Variants in GNL3L observed in about 807,000 individuals in gnomAD.
GNL3L encodes guanine nucleotide-binding protein-like 3-like protein.
Under a neutral mutation model 42.9 loss-of-function variants are expected in GNL3L, and 4 were observed. The observed-to-expected ratio is 0.09, with a 90% CI of 0.05 to 0.21. The LOEUF is 0.21. GNL3L is among the 10% of genes least tolerant of loss of function. The pLI is 1.00. For synonymous variants in GNL3L, 159 were observed against 176.3 expected (o/e 0.90, Z 0.78); for missense variants, 412 against 481.7 (o/e 0.86, Z 1.36).
downstream of GNL3L, among the ~76,000 whole-genome samples, chrX:54,571,669 TATAG>T (rs772792478): frequency 9.1e-6 from 1 of 110,387 alleles, no homozygotes; most frequent in African/African-American, 3.3e-5. Flanking sequence ...TTGTTTCTTC[TATAG>T]ATAATGTGTT....
At chrX:54,606,641 A>T (rs1339864207) in intron 16 of GNL3L, among the ~76,000 whole-genome samples, 7 of 99,668 alleles carry the variant, frequency 7.0e-5, no homozygotes, top group African/African-American at 2.4e-4. Flanking sequence ...ATGCCAGGCC[A>T]ATTTTTTTTT....
chrX:54,626,898 G>A, the GNL3L span, among the ~76,000 whole-genome samples: 1 of 110,981 alleles, frequency 9.0e-6, no homozygotes, highest in Non-Finnish European at 1.9e-5. Flanking sequence ...TGATTTCCTT[G>A]TATATTCTGA....
At chrX:54,579,929 C>T (rs1460355380) in intron 16 of GNL3L, among the ~76,000 whole-genome samples, 2 of 105,897 alleles carry the variant, frequency 1.9e-5, no homozygotes, top group Non-Finnish European at 3.9e-5. Context: ...CCACCAGCCT[C>T]GGCCTCCCAA....
chrX:54,550,550 C>A (rs1356898735), intron 9 of GNL3L, among the ~76,000 whole-genome samples: 1 of 111,239 alleles, frequency 9.0e-6, no homozygotes, highest in East Asian at 2.8e-4. Context: ...AGGTAGACAG[C>A]TGCACAGAGA....
chrX:54,559,336 A>G (rs1925194229), intron 15 of GNL3L, among the ~76,000 whole-genome samples: 1 of 111,522 alleles, frequency 9.0e-6, no homozygotes, highest in African/African-American at 3.3e-5. Flanking sequence ...TCAATAGGCA[A>G]TATACTCAAA....
intron 16 of GNL3L, among the ~76,000 whole-genome samples, chrX:54,607,057 T>TTTC (rs1926087312): frequency 1.7e-5 from 1 of 60,289 alleles, no homozygotes; most frequent in Non-Finnish European, 2.9e-5. Flanking sequence ...TCTTTCTTTC[T>TTTC]TTCTTTCTTT....
At chrX:54,629,281 C>T in the GNL3L span, among the ~76,000 whole-genome samples, 2 of 111,221 alleles carry the variant, frequency 1.8e-5, no homozygotes, top group Non-Finnish European at 3.8e-5. Flanking sequence ...ATTGCTCTGG[C>T]TAGGACTTCA....
At chrX:54,623,444 T>C (rs1328700107), downstream of GNL3L, among the ~76,000 whole-genome samples, 1 of 111,368 alleles carries the variant, frequency 9.0e-6, no homozygotes, top group Non-Finnish European at 1.9e-5. Flanking sequence ...TTTGTATTTT[T>C]AGTAGAGATG....
chrX:54,534,256 C>T (rs1924355925), intron 2 of GNL3L, among the ~76,000 whole-genome samples: 1 of 108,321 alleles, frequency 9.2e-6, no homozygotes, highest in African/African-American at 3.4e-5. Context: ...GCTACGTTCT[C>T]TACCTACTGA....
At chrX:54,634,421 C>T in the GNL3L span, among the ~76,000 whole-genome samples, 4 of 112,098 alleles carry the variant, frequency 3.6e-5, no homozygotes, top group East Asian at 2.8e-4. Context: ...CTTGCCTCAG[C>T]CTCCCAAGTA....
At chrX:54,550,195 T>C (rs1924891867) in intron 9 of GNL3L, among the ~76,000 whole-genome samples, 1 of 96,607 alleles carries the variant, frequency 1.0e-5, no homozygotes, top group Non-Finnish European at 2.0e-5. Context: ...ATACTGAGAA[T>C]GGGAATGACC....
In GNL3L at chrX:54,601,189, T is replaced by G. The variant is rs756805097; in HGVS notation, c.*46-19656T>G. Reference sequence around the variant, plus strand: ...AAATAGATTCATAGCTGTTTAGAACTGGGGGGTGAGTTGGGGGCATATGAG... The same window carrying G: ...AAATAGATTCATAGCTGTTTAGAACGGGGGGGTGAGTTGGGGGCATATGAG... On this transcript the variant is annotated intron_variant, in intron 16 of 16. Transcript: ENST00000674498. Among the ~76,000 whole-genome samples the G allele has an allele frequency of 3.7e-5, 4 of 109,125 alleles. No homozygotes were observed. The East Asian group carries it at 1.2e-3, about 32-fold the overall frequency. 94.8% of individuals were successfully genotyped at this position (109,125 alleles called of 115,157 possible).
intron 16 of GNL3L, among the ~76,000 whole-genome samples, chrX:54,600,688 C>G (rs1925995450): frequency 9.0e-6 from 1 of 110,689 alleles, no homozygotes; most frequent in South Asian, 3.9e-4. Flanking sequence ...AAGGAGGGGA[C>G]TTCTGTCTCC....
the GNL3L span, among the ~76,000 whole-genome samples, chrX:54,633,459 A>T: frequency 9.0e-6 from 1 of 111,118 alleles, no homozygotes; most frequent in East Asian, 2.9e-4. Flanking sequence ...AGGGCCATAG[A>T]GCACCCATGA....
chrX:54,560,421 G>A, intron 15 of GNL3L, 99 bp from the exon 16 acceptor site: 1 of 556,395 alleles, frequency 1.8e-6, no homozygotes. Context: ...AGCCAGTTCA[G>A]GAGCTTGGTG....
At position 54,563,073 on chromosome X, in the gene GNL3L, G is replaced by A. The variant is rs1925319396; in HGVS notation, c.*2471G>A. Among the ~76,000 whole-genome samples, 1 of 111,926 alleles carries A rather than the reference G, an allele frequency of 8.9e-6. No homozygotes were observed. The highest frequency in any genetic ancestry group is 1.9e-5 in the Non-Finnish European group (1 of 53,240). ...TTTTAGTGTCTTGCTAAAACTATGT[G>A]CTCTTGAATAGGCTACAACTTATTT... On this transcript the variant is annotated 3_prime_UTR_variant, in exon 16 of 16. Transcript: ENST00000360845.
At chrX:54,632,536 T>G in the GNL3L span, among the ~76,000 whole-genome samples, 1 of 111,476 alleles carries the variant, frequency 9.0e-6, no homozygotes, top group African/African-American at 3.3e-5. Flanking sequence ...TTCTTTCTTC[T>G]ACTTGTTCTA....
At chrX:54,597,854 A>G (rs887090538) in intron 16 of GNL3L, among the ~76,000 whole-genome samples, 2 of 110,875 alleles carry the variant, frequency 1.8e-5, no homozygotes, top group East Asian at 2.9e-4. Flanking sequence ...ATGCTTCACA[A>G]TTGCTGCACT....
Position 54,583,717 on chromosome X carries a change from C to T in GNL3L, c.*45+23070C>T, listed in dbSNP as rs924703406. ...AGTGTAGTGGTGTGATCACAGCTCA[C>T]TGCAGCCTCGACCTCCCCAAGCTCA... On this transcript the variant is annotated intron_variant, in intron 16 of 16. Transcript: ENST00000674498. Among the ~76,000 whole-genome samples the T allele has an allele frequency of 5.4e-5, 6 of 111,165 alleles. 1 individual carries two copies. The highest frequency in any genetic ancestry group is 2.0e-4 in the African/African-American group (6 of 30,565).
Sources: allele counts gnomAD v4.1 joint callset (sites outside exome capture counted in the v4.1 genomes callset), GRCh38; gene constraint gnomAD v4.1.1; transcripts MANE v1.5; gene names NCBI Gene and HGNC (gene_info 2026-07-23, HGNC 2026-07-21).